Variants in RP1 observed in about 807,000 individuals in gnomAD.
RP1 encodes oxygen-regulated protein 1.
RP1 carries 16 observed loss-of-function variants against 14.8 expected under a neutral mutation model. The observed-to-expected ratio is 1.08, with a 90% CI of 0.73 to 1.65. The LOEUF is 1.65. Among genes scored for constraint, RP1 ranks in the 40% most tolerant of loss-of-function variants. The pLI is 0.00. For missense variants in RP1, 2,631 were observed against 2,535.0 expected (o/e 1.04, Z -0.81); for synonymous variants, 876 against 883.6 (o/e 0.99, Z 0.15).
downstream of RP1, among the ~76,000 whole-genome samples, chr8:54,632,075 C>G (rs1048706117): frequency 1.2e-4 from 18 of 152,028 alleles, no homozygotes; most frequent in Non-Finnish European, 2.2e-4. Flanking sequence ...CTTCCGACCT[C>G]AGGTGATCCG....
rs1806686604 is a variant in RP1, at chr8:54,652,956, T to C, written c.1038+90T>C. On this transcript the variant is annotated intron_variant, in intron 5 of 22. Coordinates refer to the RP1 transcript ENST00000636932. Reference sequence around the variant, plus strand: ...ACTCATCATGCCTATAATGAGTTGATAGAGTCCTGTACCTTTTTAGCCAGT... The same window carrying C: ...ACTCATCATGCCTATAATGAGTTGACAGAGTCCTGTACCTTTTTAGCCAGT... 6.0e-6 allele frequency: 5 copies of C among 839,268 alleles called. No individual in the cohort carries two copies. The East Asian group carries it at 8.0e-5, about 13-fold the overall frequency. The allele number at this position is 839,268 out of a possible 1,614,324, so 52.0% of individuals were successfully genotyped here. A position where few individuals can be genotyped will look rare whatever the true frequency, so the allele number is the denominator to read the frequency against.
chr8:54,812,790 T>TATC (rs1554535902), intron 24 of RP1, among the ~76,000 whole-genome samples: 1 of 150,590 alleles, frequency 6.6e-6, no homozygotes, highest in Non-Finnish European at 1.5e-5. Context: ...TCTATCTATC[T>TATC]ATCTATCTAT....
chr8:54,633,731 C>CTATATA (rs1208711612), downstream of RP1, among the ~76,000 whole-genome samples: 22 of 134,404 alleles, frequency 1.6e-4, no homozygotes, highest in South Asian at 1.5e-3. Flanking sequence ...CTCTCTCTCT[C>CTATATA]TCTCTCTATA....
intron 15 of RP1, among the ~76,000 whole-genome samples, chr8:54,710,796 G>A (rs1808277938): frequency 6.6e-6 from 1 of 152,158 alleles, no homozygotes; most frequent in Admixed American, 6.5e-5. Flanking sequence ...CCTCTCTACC[G>A]ACTGAGTCTG....
intron 3 of RP1, among the ~76,000 whole-genome samples, chr8:54,637,856 C>G (rs1186179732): frequency 6.6e-6 from 1 of 152,054 alleles, no homozygotes; most frequent in African/African-American, 2.4e-5. Flanking sequence ...TGAACTCTTC[C>G]CCAGGGCTGA....
At chr8:54,813,629 T>TC (rs1313776892) in intron 24 of RP1, among the ~76,000 whole-genome samples, 2 of 152,246 alleles carry the variant, frequency 1.3e-5, no homozygotes, top group Non-Finnish European at 1.5e-5. Context: ...GTGGAAATAT[T>TC]CTATAAATAT....
At chr8:54,703,351 G>A (rs1209606934) in intron 14 of RP1, among the ~76,000 whole-genome samples, 1 of 152,172 alleles carries the variant, frequency 6.6e-6, no homozygotes, top group East Asian at 1.9e-4. Context: ...CCTTGTACGT[G>A]TCCATCAGAG....
At chr8:54,783,202 A>G (rs1380217099) in intron 23 of RP1, among the ~76,000 whole-genome samples, 1 of 152,140 alleles carries the variant, frequency 6.6e-6, no homozygotes, top group Admixed American at 6.5e-5. Context: ...GATGCCTGTC[A>G]TCCATTCCCA....
chr8:54,757,692 A>G (rs1325950903), intron 21 of RP1, among the ~76,000 whole-genome samples: 1 of 152,238 alleles, frequency 6.6e-6, no homozygotes, highest in Non-Finnish European at 1.5e-5. Flanking sequence ...AAGCACACTG[A>G]AACTGTTTAT....
At chr8:54,642,009 A>G (rs1020688576) in intron 3 of RP1, among the ~76,000 whole-genome samples, 1 of 152,182 alleles carries the variant, frequency 6.6e-6, no homozygotes, top group African/African-American at 2.4e-5. Flanking sequence ...GAGATGCACA[A>G]TTAGTTGTGG....
At chr8:54,622,049 A>T (rs2129314705) in intron 2 of RP1, 68 bp from the exon 3 acceptor site, 3 of 1,531,364 alleles carry the variant, frequency 2.0e-6, no homozygotes, top group Non-Finnish European at 2.7e-6. Context: ...TGATTCAAGC[A>T]AAGTTATAAA....
intron 24 of RP1, among the ~76,000 whole-genome samples, chr8:54,825,356 A>G (rs1199779558): frequency 6.6e-6 from 1 of 152,224 alleles, no homozygotes; most frequent in African/African-American, 2.4e-5. Flanking sequence ...CTTATTCAAT[A>G]CAGTGGTAAA....
chr8:54,813,138 C>A (rs926845419), intron 24 of RP1, among the ~76,000 whole-genome samples: 1 of 152,208 alleles, frequency 6.6e-6, no homozygotes, highest in Non-Finnish European at 1.5e-5. Context: ...CTAATTACAC[C>A]TAAATTGTCT....
chr8:54,701,213 A>G (rs1240291266), intron 13 of RP1, among the ~76,000 whole-genome samples: 2 of 152,212 alleles, frequency 1.3e-5, no homozygotes, highest in African/African-American at 4.8e-5. Flanking sequence ...TAAGATACAT[A>G]TTAGGATCTT....
intron 25 of RP1, among the ~76,000 whole-genome samples, chr8:54,839,085 C>T (rs1004995245): frequency 3.9e-5 from 6 of 152,192 alleles, no homozygotes; most frequent in Non-Finnish European, 5.9e-5. Flanking sequence ...ACCTTCATCA[C>T]GTGGTACCAG....
exon 16 of RP1, chr8:54,720,241 G>C (rs756678224): frequency 1.4e-5 from 21 of 1,535,902 alleles, no homozygotes; most frequent in Non-Finnish European, 1.7e-5. Flanking sequence ...CAGTCAGATG[G>C]GCAGGCAAAA....
Position 54,565,287 on chromosome 8 carries a change from G to A in RP1, c.-13+5967G>A, listed in dbSNP as rs191280133. Reference sequence around the variant, plus strand: ...AAGTAGCAAAACCTTAGCTGGGGCTGGGTGTGGTGGCTCATGCCTGTAATC... The same window carrying A: ...AAGTAGCAAAACCTTAGCTGGGGCTAGGTGTGGTGGCTCATGCCTGTAATC... On this transcript the variant is annotated intron_variant, in intron 1 of 22. Transcript: ENST00000636932. Among the ~76,000 whole-genome samples, 120 of 152,320 alleles carry A rather than the reference G, an allele frequency of 7.9e-4. 1 individual carries two copies. The highest frequency in any genetic ancestry group is 2.8e-3 in the African/African-American group (116 of 41,578).
chr8:54,675,959 G>C (rs1237293269), intron 8 of RP1, among the ~76,000 whole-genome samples: 2 of 152,042 alleles, frequency 1.3e-5, no homozygotes, highest in Non-Finnish European at 2.9e-5. Context: ...TTGTTGTCTT[G>C]GGAGGGGCTT....
intron 6 of RP1, among the ~76,000 whole-genome samples, chr8:54,658,834 A>G (rs1806815222): frequency 6.7e-6 from 1 of 150,062 alleles, no homozygotes; most frequent in African/African-American, 2.4e-5. Flanking sequence ...TAGTTGGACA[A>G]TTTTACATCC....
Sources: allele counts gnomAD v4.1 joint callset (sites outside exome capture counted in the v4.1 genomes callset), GRCh38; gene constraint gnomAD v4.1.1; transcripts MANE v1.5; gene names NCBI Gene and HGNC (gene_info 2026-07-23, HGNC 2026-07-21).